Variants in PHKB observed in about 807,000 individuals in gnomAD.
The protein encoded by PHKB is phosphorylase kinase regulatory subunit beta.
A neutral mutation model predicts 152.1 loss-of-function variants in PHKB; 122 were observed. The observed-to-expected ratio is 0.80, with a 90% CI of 0.69 to 0.93. PHKB has a LOEUF of 0.93. Among genes scored for constraint, PHKB ranks in the 40% least tolerant of loss-of-function variants. The probability of loss-of-function intolerance (pLI) is 0.00; values close to 1 mark genes in which losing one functional copy is unlikely to be tolerated. For synonymous variants in PHKB, 436 were observed against 464.9 expected (o/e 0.94, Z 0.80); for missense variants, 1,304 against 1,328.4 (o/e 0.98, Z 0.29).
chr16:47,465,157 C>A (rs566153264), intron 1 of PHKB, among the ~76,000 whole-genome samples: 17 of 152,246 alleles, frequency 1.1e-4, no homozygotes, highest in African/African-American at 4.1e-4. Context: ...TGCTAAATGA[C>A]AAAATATTAC....
At chr16:47,695,039 A>G (rs1177577340) in intron 28 of PHKB, among the ~76,000 whole-genome samples, 1 of 152,208 alleles carries the variant, frequency 6.6e-6, no homozygotes. Context: ...TGTTATTAGT[A>G]TTCCAGTTTG....
intron 7 of PHKB, among the ~76,000 whole-genome samples, chr16:47,575,378 A>T (rs1254095262): frequency 2.6e-5 from 4 of 152,208 alleles, no homozygotes; most frequent in Admixed American, 2.6e-4. Context: ...GGAAATTATT[A>T]TATCAAAAAG....
At chr16:47,515,288 T>G (rs1002319646) in intron 5 of PHKB, among the ~76,000 whole-genome samples, 1 of 152,230 alleles carries the variant, frequency 6.6e-6, no homozygotes. Flanking sequence ...TTTGAAGCCG[T>G]TTCCCTAATC....
intron 5 of PHKB, among the ~76,000 whole-genome samples, chr16:47,515,207 C>T (rs1450747916): frequency 6.6e-6 from 1 of 152,124 alleles, no homozygotes. Context: ...TGATATGTTC[C>T]TATTTTTTTC....
At chr16:47,657,827 C>A (rs867446444) in intron 20 of PHKB, among the ~76,000 whole-genome samples, 2 of 152,128 alleles carry the variant, frequency 1.3e-5, no homozygotes, top group African/African-American at 2.4e-5. Context: ...TTCTCTCATA[C>A]CCTGTGTTAC....
chr16:47,538,562 T>C (rs927308574), intron 6 of PHKB, among the ~76,000 whole-genome samples: 2 of 152,244 alleles, frequency 1.3e-5, no homozygotes, highest in Admixed American at 1.3e-4. Context: ...GAGGTATGCT[T>C]GCCCCTGAGG....
At chr16:47,530,685 C>A (rs540065889) in intron 6 of PHKB, among the ~76,000 whole-genome samples, 1 of 152,190 alleles carries the variant, frequency 6.6e-6, no homozygotes, top group South Asian at 2.1e-4. Flanking sequence ...ATCTATAGAG[C>A]AGCAATAACT....
At position 47,653,180 on chromosome 16, in the gene PHKB, CAT is replaced by C. The variant is rs554538563; in HGVS notation, c.1971+2261_1971+2262del. Among the ~76,000 whole-genome samples the C allele has an allele frequency of 4.5e-4, 69 of 152,282 alleles. 1 individual carries two copies. The highest frequency in any genetic ancestry group is 1.5e-3 in the African/African-American group (62 of 41,554). On this transcript the variant is annotated intron_variant, in intron 20 of 30. Coordinates refer to ENST00000323584, the MANE Select transcript of PHKB (RefSeq NM_000293.3). ...CATCTCTAACCTCATGACCAAAGGA[CAT>C]AAACTTTGTTTCCATGTCCTGAAAG...
chr16:47,596,670 C>G lies in PHKB; in HGVS notation c.1363+139C>G, dbSNP rs188237891. 27 of 729,556 alleles carry G rather than the reference C, an allele frequency of 3.7e-5. 1 individual carries two copies. The Admixed American group carries it at 4.5e-4, about 12-fold the overall frequency. The allele number at this position is 729,556 out of a possible 1,614,324, so 45.2% of individuals were successfully genotyped here. A position where few individuals can be genotyped will look rare whatever the true frequency, so the allele number is the denominator to read the frequency against. ...AGGTCTTTAGGGAGTTTCCTAGTAT[C>G]TAGTGGTATATTAATATATCTATTT... is the stretch of plus-strand genomic sequence containing the variant. On this transcript the variant is annotated intron_variant, in intron 13 of 30. Transcript: ENST00000323584.
intron 18 of PHKB, 144 bp from the exon 19 acceptor site, chr16:47,650,400 C>A: frequency 1.5e-6 from 1 of 682,522 alleles, no homozygotes; most frequent in Non-Finnish European, 2.7e-6. Flanking sequence ...GTACTTCTAC[C>A]CCTAAGTAGT....
intron 14 of PHKB, among the ~76,000 whole-genome samples, chr16:47,630,652 T>C (rs1010906972): frequency 6.6e-6 from 1 of 152,220 alleles, no homozygotes; most frequent in African/African-American, 2.4e-5. Flanking sequence ...TTGTTAATTT[T>C]ACATGTCAAC....
rs574200588 is a variant in PHKB, at chr16:47,649,107, G to A, written c.1700G>A (p.Arg567His). Residue 567 changes from arginine to histidine, a missense_variant, in exon 18 of 31, where the codon CGC becomes CAC. Arg to His is a conservative substitution (Grantham distance 29). Transcript: ENST00000323584. ...IGCLGTSKIY[R>H]ILGKTVVCYP... ...AAACTTTTTCCCTTACAGATTTATC[G>A]CATTCTAGGAAAGACTGTGGTTTGT... 29 of 1,578,742 alleles carry A rather than the reference G, an allele frequency of 1.8e-5. No homozygotes were observed. Among genetic ancestry groups the A allele is most frequent in the East Asian group, 9.0e-5 (4 of 44,676 alleles).
In PHKB at chr16:47,587,675, C is replaced by G. The variant is rs1211584169; in HGVS notation, c.782C>G (p.Ser261Trp). The change falls in exon 9 of 31, where the codon TCG becomes TGG. Residue 261 changes from serine (S) to tryptophan (W), a missense_variant. By Grantham distance (177) the Ser-to-Trp change is radical. Coordinates refer to ENST00000323584, the MANE Select transcript of PHKB (RefSeq NM_000293.3). ...TTCTTTTTCTCTGTCCAGGGCTGTT[C>G]GTGGTCAGTTATATTTGTGGATCTC... is the stretch of plus-strand genomic sequence containing the variant. ...GFNLFGNQGC[S>W]WSVIFVDLDA... The G allele has an allele frequency of 6.2e-7, 1 of 1,611,442 alleles. No homozygotes were observed. The highest frequency in any genetic ancestry group is 2.2e-5 in the East Asian group (1 of 44,870).
chr16:47,641,220 G>A lies in PHKB; in HGVS notation c.1514+130G>A, dbSNP rs894668955. On this transcript the variant is annotated intron_variant, in intron 15 of 30. Transcript: ENST00000323584. ...CAGAAACTCCTTTACAGGCTTTCAAGGATATCATTAATATCACTTTAAATG... is the reference window on the plus strand; with the variant it reads ...CAGAAACTCCTTTACAGGCTTTCAAAGATATCATTAATATCACTTTAAATG... 6.6e-6 allele frequency: 5 copies of A among 753,220 alleles called. No homozygotes were observed. The Middle Eastern group carries it at 1.0e-3, about 151-fold the overall frequency. The allele number at this position is 753,220 out of a possible 1,614,324, so 46.7% of individuals were successfully genotyped here.
intron 26 of PHKB, among the ~76,000 whole-genome samples, chr16:47,676,706 T>G (rs1973738739): frequency 6.6e-6 from 1 of 152,244 alleles, no homozygotes; most frequent in Non-Finnish European, 1.5e-5. Flanking sequence ...GGCACTCCAG[T>G]GAACAAAATT....
At chr16:47,658,616 G>A (rs1182799884) in intron 20 of PHKB, among the ~76,000 whole-genome samples, 4 of 151,898 alleles carry the variant, frequency 2.6e-5, no homozygotes, top group East Asian at 1.9e-4. Flanking sequence ...AAATATCATC[G>A]TATTACAGTT....
At chr16:47,647,034 T>C (rs1268630123) in intron 16 of PHKB, among the ~76,000 whole-genome samples, 1 of 152,154 alleles carries the variant, frequency 6.6e-6, no homozygotes, top group Non-Finnish European at 1.5e-5. Context: ...TCTAGAAGTT[T>C]CTGCTCCACT....
rs1043960499 is a variant in PHKB at position 47,473,218 on chromosome 16, A to ATTTTTTTTTTTTTTTTTT, written c.76+11809_76+11826dup. Among the ~76,000 whole-genome samples the ATTTTTTTTTTTTTTTTTT allele has an allele frequency of 4.1e-4, 20 of 48,766 alleles. 3 individuals are homozygous for ATTTTTTTTTTTTTTTTTT. Among genetic ancestry groups the ATTTTTTTTTTTTTTTTTT allele is most frequent in the East Asian group, 2.9e-3 (5 of 1,732 alleles). 32.0% of individuals were successfully genotyped at this position (48,766 alleles called of 152,430 possible). ...AGGTGTGCACTACCATGCCTGGCTA[A>ATTTTTTTTTTTTTTTTTT]TTTTTTTTTTTTTTTTTTTTTTTTT... On this transcript the variant is annotated intron_variant, in intron 1 of 30. Transcript: ENST00000323584.
At position 47,527,355 on chromosome 16, in the gene PHKB, A is replaced by C. The variant is rs141705965; in HGVS notation, c.594+11754A>C. ...ATATAGGAATAATGGTATCAAATAT[A>C]AAGGTAGGATAGAGACTCTCAAAAC... On this transcript the variant is annotated intron_variant, in intron 6 of 30. Transcript: ENST00000323584. Among the ~76,000 whole-genome samples the C allele has an allele frequency of 5.5e-3, 844 of 152,306 alleles. 6 individuals carry two copies. The highest frequency in any genetic ancestry group is 0.019 in the African/African-American group (807 of 41,570).
Sources: gnomAD v4.1 joint callset for allele counts (sites outside exome capture counted in the v4.1 genomes callset) on GRCh38, gnomAD v4.1.1 for gene constraint, MANE v1.5 for transcripts, NCBI Gene and HGNC (gene_info 2026-07-23, HGNC 2026-07-21) for gene names.